HYCC1: variants seen among roughly 807,000 people sequenced by gnomAD.
The protein encoded by HYCC1 is hyccin.
At chr7:22,912,702 C>T in the HYCC1 span, among the ~76,000 whole-genome samples, 1 of 152,176 alleles carries the variant, frequency 6.6e-6, no homozygotes, top group Non-Finnish European at 1.5e-5. Context: ...CCCAAAGTAA[C>T]TGACCATTTG....
At chr7:22,978,148 G>A in the HYCC1 span, 4 of 864,392 alleles carry the variant, frequency 4.6e-6, no homozygotes, top group Non-Finnish European at 5.6e-6. Context: ...GGAAGAATGG[G>A]CTATGAGTCA....
the HYCC1 span, chr7:22,940,654 A>T: frequency 6.6e-6 from 1 of 152,150 alleles, no homozygotes; most frequent in South Asian, 2.1e-4. Context: ...CTGTTAAAGA[A>T]AACACTGAAG....
At chr7:22,961,566 G>C in the HYCC1 span, among the ~76,000 whole-genome samples, 5 of 151,964 alleles carry the variant, frequency 3.3e-5, no homozygotes, top group Non-Finnish European at 7.4e-5. Context: ...ACTATTTATA[G>C]AACAGAAATA....
At chr7:22,964,932 G>C in the HYCC1 span, among the ~76,000 whole-genome samples, 1 of 151,860 alleles carries the variant, frequency 6.6e-6, no homozygotes, top group Non-Finnish European at 1.5e-5. Context: ...CCAGGAGTTC[G>C]AGACCAGCCT....
the HYCC1 span, among the ~76,000 whole-genome samples, chr7:22,897,399 T>G: frequency 6.6e-6 from 1 of 152,080 alleles, no homozygotes; most frequent in Non-Finnish European, 1.5e-5. Flanking sequence ...TTGTCAAGAG[T>G]GGACTCCAGA....
chr7:22,945,736 C>A, the HYCC1 span: 19 of 1,613,650 alleles, frequency 1.2e-5, no homozygotes, highest in Non-Finnish European at 1.6e-5. Flanking sequence ...CTGTCCCAGC[C>A]CCACAACCAA....
the HYCC1 span, among the ~76,000 whole-genome samples, chr7:22,979,275 A>G: frequency 6.6e-6 from 1 of 152,226 alleles, no homozygotes; most frequent in African/African-American, 2.4e-5. Flanking sequence ...ATTGTTTATA[A>G]AAGGTATAAC....
At chr7:22,964,567 G>A in the HYCC1 span, 3 of 1,248,984 alleles carry the variant, frequency 2.4e-6, no homozygotes, top group East Asian at 2.3e-5. Flanking sequence ...TCTAAAATTG[G>A]TAAAATTTTA....
the HYCC1 span, among the ~76,000 whole-genome samples, chr7:22,952,961 A>G: frequency 6.6e-6 from 1 of 151,978 alleles, no homozygotes; most frequent in African/African-American, 2.4e-5. Context: ...ACAGTCTGGA[A>G]CAAGACAATT....
At chr7:22,985,691 G>A in the HYCC1 span, 17 of 151,986 alleles carry the variant, frequency 1.1e-4, no homozygotes, top group Admixed American at 2.6e-4. Flanking sequence ...AAAAGATCTC[G>A]AGGCAACATT....
chr7:22,919,477 C>G, the HYCC1 span, among the ~76,000 whole-genome samples: 1 of 151,326 alleles, frequency 6.6e-6, no homozygotes, highest in Admixed American at 6.6e-5. Flanking sequence ...TGTAGTGAGC[C>G]GAGATCACAC....
the HYCC1 span, among the ~76,000 whole-genome samples, chr7:22,967,679 G>A: frequency 6.6e-6 from 1 of 152,158 alleles, no homozygotes; most frequent in Admixed American, 6.5e-5. Flanking sequence ...TGAGATGAAG[G>A]AGGACTGAAT....
chr7:22,991,453 A>G, the HYCC1 span, among the ~76,000 whole-genome samples: 3 of 152,154 alleles, frequency 2.0e-5, no homozygotes, highest in African/African-American at 7.2e-5. Flanking sequence ...AAGATCATTT[A>G]TCTTAAAAGA....
chr7:22,945,228 C>T, the HYCC1 span: 2 of 298,570 alleles, frequency 6.7e-6, no homozygotes, highest in Admixed American at 4.9e-5. Context: ...TATTAAAAAA[C>T]CAAACCAAAC....
chr7:22,931,290 A>C, the HYCC1 span, among the ~76,000 whole-genome samples: 1 of 150,752 alleles, frequency 6.6e-6, no homozygotes, highest in African/African-American at 2.4e-5. Flanking sequence ...TGTCACCACT[A>C]CGAGTGGTGA....
the HYCC1 span, chr7:22,991,011 G>A: frequency 1.5e-6 from 2 of 1,323,746 alleles, no homozygotes; most frequent in South Asian, 2.4e-5. Context: ...TTAAACGCCA[G>A]ACAAAACTTC....
the HYCC1 span, among the ~76,000 whole-genome samples, chr7:22,987,683 G>A: frequency 6.6e-6 from 1 of 152,158 alleles, no homozygotes; most frequent in Non-Finnish European, 1.5e-5. Flanking sequence ...AGTTCAGACT[G>A]ACTGTGCAAC....
At chr7:22,921,653 G>A in the HYCC1 span, among the ~76,000 whole-genome samples, 1 of 152,128 alleles carries the variant, frequency 6.6e-6, no homozygotes, top group Non-Finnish European at 1.5e-5. Flanking sequence ...ACACCCATGT[G>A]TCCCATAGAA....
chr7:22,984,838 A>C, the HYCC1 span, among the ~76,000 whole-genome samples: 1 of 152,148 alleles, frequency 6.6e-6, no homozygotes, highest in Non-Finnish European at 1.5e-5. Flanking sequence ...CACACTACCA[A>C]CAAACGAATT....
Sources: allele counts gnomAD v4.1 joint callset (sites outside exome capture counted in the v4.1 genomes callset), GRCh38; gene constraint gnomAD v4.1.1; transcripts MANE v1.5; gene names NCBI Gene and HGNC (gene_info 2026-07-23, HGNC 2026-07-21).